PTPRQ: variants seen among roughly 807,000 people sequenced by gnomAD.
The protein encoded by PTPRQ is phosphatidylinositol phosphatase PTPRQ.
In PTPRQ, 199 loss-of-function variants were observed where a neutral mutation model predicts 246.0. That is an observed-to-expected ratio of 0.81 (90% CI 0.72 to 0.91). PTPRQ has a LOEUF of 0.91. Among genes scored for constraint, PTPRQ ranks in the 40% least tolerant of loss-of-function variants. PTPRQ has a pLI of 0.00. For missense variants in PTPRQ, 2,624 were observed against 2,528.4 expected, an observed-to-expected ratio of 1.04 and a Z score of -0.81; for synonymous variants, 869 against 853.2, an observed-to-expected ratio of 1.02 and a Z score of -0.32.
chr12:80,556,660 A>G (rs1277865639), intron 25 of PTPRQ, among the ~76,000 whole-genome samples: 8 of 152,230 alleles, frequency 5.3e-5, no homozygotes, highest in African/African-American at 9.6e-5. Context: ...TATTGGAAAT[A>G]TCTTGGATGG....
intron 19 of PTPRQ, 135 bp from the exon 20 acceptor site, chr12:80,539,641 C>A: frequency 1.5e-6 from 1 of 674,036 alleles, no homozygotes; most frequent in Non-Finnish European, 2.2e-6. Context: ...AAAAAATGTT[C>A]TATGTCGATT....
In PTPRQ at chr12:80,447,143, T is replaced by G. The variant is rs540606006; in HGVS notation, c.390+1426T>G. 2.0e-5 allele frequency among the ~76,000 whole-genome samples: 3 copies of G among 152,220 alleles called. No homozygotes were observed. In the East Asian group the frequency reaches 5.8e-4, roughly 29 times the overall value. On this transcript the variant is annotated intron_variant, in intron 3 of 44. Transcript: ENST00000644991. ...TCTCATTGTGGTTTTAATTTACATT[T>G]CTTTGATAATTCCTAATGTTGAGCA...
chr12:80,633,378 T>G (rs905025227), intron 34 of PTPRQ, among the ~76,000 whole-genome samples: 3 of 152,200 alleles, frequency 2.0e-5, no homozygotes, highest in African/African-American at 7.2e-5. Flanking sequence ...ATGTCTGTGC[T>G]GAATTTTCCA....
At chr12:80,538,538 G>A (rs1346420566) in intron 19 of PTPRQ, among the ~76,000 whole-genome samples, 3 of 152,116 alleles carry the variant, frequency 2.0e-5, no homozygotes, top group African/African-American at 7.2e-5. Context: ...AAAGTTCATG[G>A]ATCATATTTT....
Position 80,678,287 on chromosome 12 carries a change from GA to G in PTPRQ, c.6739-308del, listed in dbSNP as rs1294969819. Among the ~76,000 whole-genome samples the G allele has an allele frequency of 7.2e-5, 11 of 152,020 alleles. No individual in the cohort carries two copies. In the South Asian group the frequency reaches 2.1e-3, roughly 29 times the overall value. On this transcript the variant is annotated intron_variant, in intron 43 of 44. Coordinates refer to ENST00000644991, the MANE Select transcript of PTPRQ (RefSeq NM_001145026.2). ...AGAATTTACCAATTAGGTCTAACAG[GA>G]AAAAAACTCATAAACAAATTTATGT...
intron 38 of PTPRQ, among the ~76,000 whole-genome samples, chr12:80,655,133 A>G (rs550874771): frequency 1.3e-5 from 2 of 152,262 alleles, no homozygotes; most frequent in African/African-American, 4.8e-5. Context: ...GGGACTAAAT[A>G]AACAATCTTA....
In PTPRQ at chr12:80,542,896, A is replaced by G. The variant is rs912486505; in HGVS notation, c.3873+15A>G. 2.2e-6 allele frequency: 3 copies of G among 1,380,664 alleles called. No individual in the cohort carries two copies. In the African/African-American group the frequency reaches 4.5e-5, roughly 21 times the overall value. 85.5% of individuals were successfully genotyped at this position (1,380,664 alleles called of 1,614,324 possible). ...TATATTATAAGGTAGGTTGATTATA[A>G]CAGTATATGTTTATTTTTAAAAATC... On this transcript the variant is annotated intron_variant, in intron 23 of 44. Transcript: ENST00000644991.
chr12:80,672,884 C>T (rs1901015389), intron 42 of PTPRQ, among the ~76,000 whole-genome samples: 1 of 152,030 alleles, frequency 6.6e-6, no homozygotes, highest in Non-Finnish European at 1.5e-5. Context: ...AATCTCTATA[C>T]TTCAACAACA....
chr12:80,647,712 C>A (rs920297453), intron 35 of PTPRQ, among the ~76,000 whole-genome samples: 4 of 152,084 alleles, frequency 2.6e-5, no homozygotes, highest in African/African-American at 9.7e-5. Context: ...ATAAGGAATT[C>A]TTTCTTGCTT....
chr12:80,510,433 G>C lies in PTPRQ; in HGVS notation c.2668G>C (p.Val890Leu). 6.5e-7 allele frequency: 1 copy of C among 1,544,174 alleles called. No individual in the cohort carries two copies. The highest frequency in any genetic ancestry group is 8.7e-7 in the Non-Finnish European group (1 of 1,143,714). ...EPNGIILYYT[V>L]YVWNRSSLKT... ...AAATGGAATTATCCTTTATTACACAGTTTATGTCTGGTAATAATTTTTTTT... is the reference window on the plus strand; with the variant it reads ...AAATGGAATTATCCTTTATTACACACTTTATGTCTGGTAATAATTTTTTTT... Residue 890 changes from valine to leucine, a missense_variant, in exon 17 of 45, where the codon GTT becomes CTT. Physicochemically the swap from Val to Leu is conservative, Grantham distance 32. Transcript: ENST00000644991.
chr12:80,625,057 G>A lies in PTPRQ; in HGVS notation c.5686+2923G>A, dbSNP rs1027501787. Among the ~76,000 whole-genome samples the A allele has an allele frequency of 3.9e-5, 6 of 152,072 alleles. No homozygotes were observed. The East Asian group carries it at 1.2e-3, about 29-fold the overall frequency. Reference sequence around the variant, plus strand: ...GTTCTTAGTAAAAGAACATTGCCAGGGAAGAAACTCTAGAAGAACTCAAAA... The same window carrying A: ...GTTCTTAGTAAAAGAACATTGCCAGAGAAGAAACTCTAGAAGAACTCAAAA... On this transcript the variant is annotated intron_variant, in intron 33 of 44. Transcript: ENST00000644991.
At chr12:80,555,590 A>T (rs1896621185) in intron 25 of PTPRQ, among the ~76,000 whole-genome samples, 1 of 150,552 alleles carries the variant, frequency 6.6e-6, no homozygotes, top group Non-Finnish European at 1.5e-5. Flanking sequence ...CATGATTCTG[A>T]TTGCTCTCAA....
At chr12:80,445,933 T>A (rs1892540839) in intron 3 of PTPRQ, among the ~76,000 whole-genome samples, 1 of 151,944 alleles carries the variant, frequency 6.6e-6, no homozygotes, top group South Asian at 2.1e-4. Context: ...ATATATTACC[T>A]ATTTCATTTT....
intron 8 of PTPRQ, among the ~76,000 whole-genome samples, chr12:80,480,067 T>C (rs944495296): frequency 6.7e-6 from 1 of 150,142 alleles, no homozygotes; most frequent in Non-Finnish European, 1.5e-5. Context: ...CAAGAGAATA[T>C]ACATTTTTTT....
intron 35 of PTPRQ, among the ~76,000 whole-genome samples, chr12:80,637,255 A>G (rs754532184): frequency 5.3e-5 from 8 of 152,152 alleles, no homozygotes; most frequent in Non-Finnish European, 1.0e-4. Context: ...CAGATCATGA[A>G]AAAGGTGGGC....
intron 14 of PTPRQ, among the ~76,000 whole-genome samples, chr12:80,505,459 C>G (rs1031739568): frequency 6.6e-6 from 1 of 151,794 alleles, no homozygotes; most frequent in Non-Finnish European, 1.5e-5. Flanking sequence ...CTCAAATATA[C>G]ATAGAAAACC....
intron 25 of PTPRQ, among the ~76,000 whole-genome samples, chr12:80,566,016 A>G (rs994802277): frequency 2.0e-5 from 3 of 152,226 alleles, no homozygotes; most frequent in African/African-American, 7.2e-5. Context: ...TTGAATTTTC[A>G]CTACCTACTC....
chr12:80,482,370 T>G (rs1370917131), intron 8 of PTPRQ, among the ~76,000 whole-genome samples: 3 of 151,980 alleles, frequency 2.0e-5, no homozygotes, highest in Non-Finnish European at 4.4e-5. Context: ...ATACAAAAAT[T>G]AATTCAAGAT....
intron 3 of PTPRQ, among the ~76,000 whole-genome samples, chr12:80,446,697 T>C (rs955913931): frequency 6.6e-6 from 1 of 151,986 alleles, no homozygotes; most frequent in African/African-American, 2.4e-5. Flanking sequence ...TTTCTATTTT[T>C]GAATTATTTC....
Sources: gnomAD v4.1 joint callset for allele counts (sites outside exome capture counted in the v4.1 genomes callset) on GRCh38, gnomAD v4.1.1 for gene constraint, MANE v1.5 for transcripts, NCBI Gene and HGNC (gene_info 2026-07-23, HGNC 2026-07-21) for gene names.